Variants in NUTF2 observed in about 807,000 individuals in gnomAD.
The protein encoded by NUTF2 is nuclear transport factor 2, also known as placental protein 15.
In NUTF2, 3 loss-of-function variants were observed where a neutral mutation model predicts 18.5. The observed-to-expected ratio is 0.16, with a 90% CI of 0.07 to 0.42. NUTF2 has a LOEUF of 0.42. Ranked by LOEUF, NUTF2 falls within the 10% of genes least tolerant of loss-of-function variation. The probability of loss-of-function intolerance (pLI) is 0.99; values close to 1 mark genes in which losing one functional copy is unlikely to be tolerated. For missense variants in NUTF2, 44 were observed against 160.7 expected (o/e 0.27, Z 3.93); for synonymous variants, 51 against 57.9 (o/e 0.88, Z 0.54).
At chr16:67,862,481 C>T (rs1025981845) in intron 1 of NUTF2, among the ~76,000 whole-genome samples, 3 of 152,168 alleles carry the variant, frequency 2.0e-5, no homozygotes, top group Non-Finnish European at 4.4e-5. Flanking sequence ...CTTTCTCTTC[C>T]TTTATCCCTC....
chr16:67,860,516 C>T (rs752505772), intron 1 of NUTF2, among the ~76,000 whole-genome samples: 14 of 152,226 alleles, frequency 9.2e-5, no homozygotes, highest in Admixed American at 4.6e-4. Context: ...AGTGATCCTC[C>T]TGCGTGGGCC....
chr16:67,871,572 A>T lies in NUTF2; in HGVS notation c.*659A>T, dbSNP rs2058013739. ...TCTGGCCTGAAGCTTCTCTCACTGA[A>T]GCCTGTGCAGTCAGTTCTGATACCT... is the stretch of plus-strand genomic sequence containing the variant. On this transcript the variant is annotated 3_prime_UTR_variant, in exon 5 of 5. Coordinates refer to ENST00000219169, the MANE Select transcript of NUTF2 (RefSeq NM_005796.3). 1 of 152,320 alleles carries T rather than the reference A, an allele frequency of 6.6e-6. No individual in the cohort carries two copies. The highest frequency in any genetic ancestry group is 6.5e-5 in the Admixed American group (1 of 15,288). 9.4% of individuals were successfully genotyped at this position (152,320 alleles called of 1,614,324 possible).
At chr16:67,868,903 A>G in intron 4 of NUTF2, 1 of 281,940 alleles carries the variant, frequency 3.5e-6, no homozygotes, top group Non-Finnish European at 6.9e-6. Flanking sequence ...AGGGAGAAGT[A>G]TAGGAGTAGG....
chr16:67,864,578 C>T (rs967859939), intron 1 of NUTF2, among the ~76,000 whole-genome samples: 6 of 151,740 alleles, frequency 4.0e-5, no homozygotes, highest in Non-Finnish European at 5.9e-5. Context: ...CTGGGTCTTC[C>T]ATCTGTCAGC....
Position 67,871,636 on chromosome 16 carries a change from A to T in NUTF2, c.*723A>T, listed in dbSNP as rs1423350471. ...CTCTGGGTAGGTTCAGGGCCCTAGT[A>T]GCAGGAGAGATGATCCTGAATCCTG... On this transcript the variant is annotated 3_prime_UTR_variant, in exon 5 of 5. Coordinates refer to ENST00000219169, the MANE Select transcript of NUTF2 (RefSeq NM_005796.3). The T allele has an allele frequency of 6.6e-6, 1 of 152,274 alleles. No homozygotes were observed. Among genetic ancestry groups the T allele is most frequent in the East Asian group, 1.9e-4 (1 of 5,202 alleles). 9.4% of individuals were successfully genotyped at this position (152,274 alleles called of 1,614,324 possible). A position where few individuals can be genotyped will look rare whatever the true frequency, so the allele number is the denominator to read the frequency against.
At chr16:67,860,110 GCTGGGACTACAGGTGT>G (rs2057925547) in intron 1 of NUTF2, among the ~76,000 whole-genome samples, 1 of 151,836 alleles carries the variant, frequency 6.6e-6, no homozygotes, top group South Asian at 2.1e-4. Context: ...CTCCCAAGTA[GCTGGGACTACAGGTGT>G]CTGCCACCAC....
In NUTF2 at chr16:67,852,684, T is replaced by G. The variant is rs2057868848; in HGVS notation, c.-30+5699T>G. Among the ~76,000 whole-genome samples, 6 of 151,808 alleles carry G rather than the reference T, an allele frequency of 4.0e-5. No homozygotes were observed. In the South Asian group the frequency reaches 1.2e-3, roughly 32 times the overall value. On this transcript the variant is annotated intron_variant, in intron 1 of 4. Coordinates refer to ENST00000219169, the MANE Select transcript of NUTF2 (RefSeq NM_005796.3). ...TTTTTTCTTTATTTTATTTCTTTAT[T>G]TTTTTATTTTTTGAGACAGAGTTTC...
At chr16:67,862,266 C>T (rs1286608549) in intron 1 of NUTF2, among the ~76,000 whole-genome samples, 1 of 152,140 alleles carries the variant, frequency 6.6e-6, no homozygotes, top group Non-Finnish European at 1.5e-5. Flanking sequence ...TAGGGCAAGA[C>T]CCAGCGACAT....
chr16:67,868,835 T>G (rs2057992577), intron 4 of NUTF2: 23 of 394,690 alleles, frequency 5.8e-5, no homozygotes, highest in South Asian at 5.8e-4. Context: ...TATAGAACAT[T>G]TTTGTGACTG....
At chr16:67,857,032 A>G (rs1294372202) in intron 1 of NUTF2, among the ~76,000 whole-genome samples, 1 of 152,202 alleles carries the variant, frequency 6.6e-6, no homozygotes, top group Non-Finnish European at 1.5e-5. Flanking sequence ...CGCCATGGTC[A>G]TCCCTTTATT....
intron 1 of NUTF2, among the ~76,000 whole-genome samples, chr16:67,854,516 T>G (rs1231988917): frequency 1.3e-5 from 2 of 152,242 alleles, no homozygotes; most frequent in Admixed American, 1.3e-4. Context: ...GCAGGGACTT[T>G]GGAAATACCA....
At chr16:67,861,204 A>G (rs1357450599) in intron 1 of NUTF2, among the ~76,000 whole-genome samples, 2 of 152,196 alleles carry the variant, frequency 1.3e-5, no homozygotes, top group Non-Finnish European at 1.5e-5. Flanking sequence ...ACCTCGCTGA[A>G]TCTCCTTTTG....
At chr16:67,858,555 C>G (rs997098002) in intron 1 of NUTF2, among the ~76,000 whole-genome samples, 10 of 152,132 alleles carry the variant, frequency 6.6e-5, no homozygotes, top group Non-Finnish European at 1.5e-4. Flanking sequence ...ACACGAAGAT[C>G]TAGGAAGTAG....
At chr16:67,855,469 C>T (rs1308726623) in intron 1 of NUTF2, among the ~76,000 whole-genome samples, 1 of 152,134 alleles carries the variant, frequency 6.6e-6, no homozygotes, top group Non-Finnish European at 1.5e-5. Context: ...CTCCTTAAGC[C>T]CCCAGGCTGG....
At chr16:67,851,324 T>TA (rs1246648200) in intron 1 of NUTF2, among the ~76,000 whole-genome samples, 1 of 151,706 alleles carries the variant, frequency 6.6e-6, no homozygotes, top group Admixed American at 6.6e-5. Context: ...CTATTAAAAA[T>TA]ACAAAAATTA....
chr16:67,851,930 C>T (rs544165160), intron 1 of NUTF2, among the ~76,000 whole-genome samples: 8 of 152,104 alleles, frequency 5.3e-5, no homozygotes, highest in Non-Finnish European at 7.4e-5. Flanking sequence ...GCAGGAGACT[C>T]GCTTGAACCT....
chr16:67,857,579 A>C (rs2057906213), intron 1 of NUTF2, among the ~76,000 whole-genome samples: 1 of 152,158 alleles, frequency 6.6e-6, no homozygotes, highest in Non-Finnish European at 1.5e-5. Flanking sequence ...CTAGGAACCC[A>C]TACTGACTCC....
At chr16:67,863,128 A>G (rs939324272) in intron 1 of NUTF2, among the ~76,000 whole-genome samples, 1 of 152,190 alleles carries the variant, frequency 6.6e-6, no homozygotes, top group Non-Finnish European at 1.5e-5. Flanking sequence ...GAGTACAGCC[A>G]GTGTCTGACC....
At chr16:67,851,877 G>A (rs11075660) in intron 1 of NUTF2, among the ~76,000 whole-genome samples, 3,167 of 151,596 alleles carry the variant, frequency 0.021, 147 homozygotes, top group East Asian at 0.19. Context: ...TTAGCTGAGC[G>A]TGGTGGTGCA....
Sources: allele counts gnomAD v4.1 joint callset (sites outside exome capture counted in the v4.1 genomes callset), GRCh38; gene constraint gnomAD v4.1.1; transcripts MANE v1.5; gene names NCBI Gene and HGNC (gene_info 2026-07-23, HGNC 2026-07-21).